Variants in CNTN5 observed in about 807,000 individuals in gnomAD.
CNTN5 encodes contactin 5.
In CNTN5, 77 loss-of-function variants were observed where a neutral mutation model predicts 129.1. The observed-to-expected ratio is 0.60, with a 90% CI of 0.50 to 0.72. The LOEUF (loss-of-function observed/expected upper bound fraction) is 0.72, where lower values mean the gene tolerates loss of function less well. CNTN5 is among the 30% of genes least tolerant of loss of function. The pLI is 0.00. For missense variants in CNTN5, 1,478 were observed against 1,328.8 expected (o/e 1.11, Z -1.75); for synonymous variants, 509 against 465.6 (o/e 1.09, Z -1.20).
chr11:100,232,010 T>C (rs1245051055), intron 16 of CNTN5, among the ~76,000 whole-genome samples: 1 of 151,894 alleles, frequency 6.6e-6, no homozygotes, highest in Non-Finnish European at 1.5e-5. Context: ...AAAAATTATC[T>C]GGGCATGGTG....
chr11:99,822,698 A>T (rs1019221751), intron 4 of CNTN5, among the ~76,000 whole-genome samples: 5 of 152,164 alleles, frequency 3.3e-5, no homozygotes, highest in African/African-American at 7.2e-5. Flanking sequence ...TGAAAGAAAA[A>T]ATCTGAAATA....
intron 1 of CNTN5, among the ~76,000 whole-genome samples, chr11:99,052,429 G>A (rs1864464385): frequency 6.6e-6 from 1 of 151,720 alleles, no homozygotes; most frequent in Non-Finnish European, 1.5e-5. Context: ...AATACTTAAT[G>A]TGTTATAACT....
intron 1 of CNTN5, among the ~76,000 whole-genome samples, chr11:99,265,404 C>T (rs1329469209): frequency 2.0e-5 from 3 of 151,976 alleles, no homozygotes; most frequent in Non-Finnish European, 2.9e-5. Context: ...TAGTTTGGAA[C>T]TGTGGCCCTA....
intron 2 of CNTN5, among the ~76,000 whole-genome samples, chr11:99,420,057 A>AC (rs1405759737): frequency 1.1e-4 from 16 of 152,072 alleles, no homozygotes; most frequent in Admixed American, 5.9e-4. Context: ...GTGCTGGGGA[A>AC]ACAGACATGT....
chr11:99,707,096 C>T (rs1277655331), intron 3 of CNTN5, among the ~76,000 whole-genome samples: 1 of 151,412 alleles, frequency 6.6e-6, no homozygotes, highest in Admixed American at 6.6e-5. Context: ...TAAATTCCTC[C>T]TCTCTGTTAT....
At chr11:100,181,953 A>C (rs1948150203) in intron 13 of CNTN5, among the ~76,000 whole-genome samples, 1 of 152,040 alleles carries the variant, frequency 6.6e-6, no homozygotes, top group Admixed American at 6.6e-5. Flanking sequence ...AGAAACTGAC[A>C]AGCTAATTCT....
intron 1 of CNTN5, among the ~76,000 whole-genome samples, chr11:99,307,333 CAAT>C (rs1864922525): frequency 6.6e-6 from 1 of 152,002 alleles, no homozygotes; most frequent in South Asian, 2.1e-4. Context: ...TCGTTGGTAA[CAAT>C]GAGATGACTT....
chr11:99,446,015 C>T (rs71474522), intron 2 of CNTN5, among the ~76,000 whole-genome samples: 6,270 of 148,170 alleles, frequency 0.042, 187 homozygotes, highest in South Asian at 0.081. Context: ...ACCTAGGAGG[C>T]GGAGGTTGCA....
At chr11:99,637,043 T>TAAAAAAAAAAAAAAAAAAAA (rs763109822) in intron 3 of CNTN5, among the ~76,000 whole-genome samples, 296 of 95,736 alleles carry the variant, frequency 3.1e-3, no homozygotes, top group Middle Eastern at 5.4e-3. Context: ...AAAAAAAAAG[T>TAAAAAAAAAAAAAAAAAAAA]AAATGACTCT....
chr11:99,461,500 A>G (rs952829265), intron 2 of CNTN5, among the ~76,000 whole-genome samples: 1 of 152,170 alleles, frequency 6.6e-6, no homozygotes, highest in African/African-American at 2.4e-5. Context: ...AAAAATCTGT[A>G]GAATACCCTT....
At chr11:99,440,120 A>AT (rs1258858714) in intron 2 of CNTN5, among the ~76,000 whole-genome samples, 3 of 152,078 alleles carry the variant, frequency 2.0e-5, no homozygotes, top group South Asian at 2.1e-4. Context: ...ATTCCTTCAC[A>AT]TTTTTTTCTA....
intron 1 of CNTN5, among the ~76,000 whole-genome samples, chr11:99,154,418 C>T (rs551692545): frequency 2.0e-5 from 3 of 152,246 alleles, no homozygotes; most frequent in African/African-American, 7.2e-5. Context: ...ATCTGTGTGC[C>T]TGTTTTTGCC....
chr11:99,396,059 G>A (rs1417401481), intron 2 of CNTN5, among the ~76,000 whole-genome samples: 1 of 151,686 alleles, frequency 6.6e-6, no homozygotes, highest in Non-Finnish European at 1.5e-5. Flanking sequence ...TTTTAAAATG[G>A]CTTTCTCTAG....
intron 3 of CNTN5, among the ~76,000 whole-genome samples, chr11:99,646,388 T>C (rs997511058): frequency 2.0e-5 from 3 of 152,326 alleles, no homozygotes; most frequent in African/African-American, 7.2e-5. Context: ...GACACTTTGC[T>C]TGTGTCTTCA....
chr11:99,667,627 G>T (rs956179452), intron 3 of CNTN5, among the ~76,000 whole-genome samples: 5 of 152,140 alleles, frequency 3.3e-5, no homozygotes, highest in Non-Finnish European at 7.4e-5. Context: ...AAAAAGGAAT[G>T]AGATCATGTC....
intron 4 of CNTN5, among the ~76,000 whole-genome samples, chr11:99,832,624 G>A (rs1947178636): frequency 6.6e-6 from 1 of 152,048 alleles, no homozygotes; most frequent in Admixed American, 6.6e-5. Context: ...AGAAGATTTG[G>A]ACAATTTTTT....
At chr11:100,023,232 C>T (rs1313826979) in intron 9 of CNTN5, among the ~76,000 whole-genome samples, 1 of 152,138 alleles carries the variant, frequency 6.6e-6, no homozygotes, top group African/African-American at 2.4e-5. Context: ...GATTCTATTG[C>T]TGTATCCTCA....
At chr11:100,160,759 T>A (rs999164934) in intron 13 of CNTN5, among the ~76,000 whole-genome samples, 5 of 151,910 alleles carry the variant, frequency 3.3e-5, no homozygotes, top group Admixed American at 6.6e-5. Flanking sequence ...ATGCCAGGAA[T>A]CATGCTGCGC....
intron 2 of CNTN5, among the ~76,000 whole-genome samples, chr11:99,388,839 TACACACAGACACAG>T (rs1329658066): frequency 6.6e-6 from 1 of 152,114 alleles, no homozygotes; most frequent in Non-Finnish European, 1.5e-5. Context: ...CTAATCTGCT[TACACACAGACACAG>T]ACACACATAC....
Sources: allele counts gnomAD v4.1 joint callset (sites outside exome capture counted in the v4.1 genomes callset), GRCh38; gene constraint gnomAD v4.1.1; transcripts MANE v1.5; gene names NCBI Gene and HGNC (gene_info 2026-07-23, HGNC 2026-07-21).